Variants in ADAM17 observed in about 807,000 individuals in gnomAD.
ADAM17 encodes disintegrin and metalloproteinase domain-containing protein 17.
A neutral mutation model predicts 96.7 loss-of-function variants in ADAM17; 39 were observed. The ratio of observed to expected loss-of-function variants is 0.40; its 90% CI spans 0.31 to 0.53. The LOEUF (loss-of-function observed/expected upper bound fraction) is 0.53. Among genes scored for constraint, ADAM17 ranks in the 20% least tolerant of loss-of-function variants. The probability of loss-of-function intolerance (pLI) is 0.44; values close to 1 mark genes in which losing one functional copy is unlikely to be tolerated. For missense variants in ADAM17, 777 were observed against 1,013.2 expected, an observed-to-expected ratio of 0.77 and a Z score of 3.17; for synonymous variants, 344 against 359.2, an observed-to-expected ratio of 0.96 and a Z score of 0.48.
At chr2:9,514,604 T>C (rs1317808559) in intron 10 of ADAM17, among the ~76,000 whole-genome samples, 86 of 141,800 alleles carry the variant, frequency 6.1e-4, no homozygotes, top group African/African-American at 2.1e-3. Flanking sequence ...CCAGGCACGG[T>C]GGCTCACGCC....
At chr2:9,522,231 GT>G in intron 7 of ADAM17, 1 of 390,468 alleles carries the variant, frequency 2.6e-6, no homozygotes, top group Non-Finnish European at 4.5e-6. Flanking sequence ...AAAAAGCAAG[GT>G]GTAAAAGTGT....
At chr2:9,516,317 G>A (rs1354729277) in intron 10 of ADAM17, among the ~76,000 whole-genome samples, 1 of 152,052 alleles carries the variant, frequency 6.6e-6, no homozygotes, top group Admixed American at 6.6e-5. Flanking sequence ...TCAAACTCCT[G>A]GGCTCAAGTG....
intron 2 of ADAM17, among the ~76,000 whole-genome samples, chr2:9,542,511 T>C (rs1665247248): frequency 6.6e-6 from 1 of 152,198 alleles, no homozygotes; most frequent in African/African-American, 2.4e-5. Flanking sequence ...TCTTTATCTC[T>C]TCATATATAA....
chr2:9,495,065 T>C (rs1662467188), intron 14 of ADAM17, among the ~76,000 whole-genome samples: 1 of 152,190 alleles, frequency 6.6e-6, no homozygotes, highest in Admixed American at 6.5e-5. Context: ...CTCACAATGC[T>C]CTTCTAAATG....
At chr2:9,542,910 G>A (rs903878966) in intron 2 of ADAM17, among the ~76,000 whole-genome samples, 1 of 152,074 alleles carries the variant, frequency 6.6e-6, no homozygotes, top group African/African-American at 2.4e-5. Context: ...CCCAGGCTGA[G>A]CTTGGGCAAA....
At chr2:9,546,618 C>T (rs1665411802) in intron 1 of ADAM17, among the ~76,000 whole-genome samples, 1 of 152,064 alleles carries the variant, frequency 6.6e-6, no homozygotes, top group African/African-American at 2.4e-5. Flanking sequence ...TCTCAATAAA[C>T]TTAAGTATAA....
intron 2 of ADAM17, among the ~76,000 whole-genome samples, 167 bp from the exon 3 acceptor site, chr2:9,536,995 G>A (rs543525180): frequency 1.1e-4 from 16 of 152,114 alleles, no homozygotes; most frequent in Non-Finnish European, 1.5e-4. Context: ...CTCCTGTAAC[G>A]ACAAATGAAC....
chr2:9,492,915 T>C lies in ADAM17; in HGVS notation c.2065A>G (p.Ile689Val). The C allele has an allele frequency of 6.2e-7, 1 of 1,612,630 alleles. No individual in the cohort carries two copies. Among genetic ancestry groups the C allele is most frequent in the Admixed American group, 1.7e-5 (1 of 59,868 alleles). The change falls in exon 17 of 19, where the codon ATT becomes GTT. Residue 689 changes from isoleucine to valine, a missense_variant. This residue lies in a region of ADAM17 where 197 missense variants were observed against 219.4 expected (regional missense o/e 0.90). Coordinates refer to ENST00000310823, the MANE Select transcript of ADAM17 (RefSeq NM_003183.6). Reference sequence around the variant, plus strand: ...TGACTTACCACACAATGGACAAGAATGCTGAAAGGAATCCAAAATATCAAG... The same window carrying C: ...TGACTTACCACACAATGGACAAGAACGCTGAAAGGAATCCAAAATATCAAG... Reference protein sequence around the residue: ...FSLIFWIPFSILVHCVDKKLD... With the variant: ...FSLIFWIPFSVLVHCVDKKLD...
chr2:9,511,764 A>G (rs58581176), intron 10 of ADAM17, among the ~76,000 whole-genome samples: 24,062 of 152,150 alleles, frequency 0.16, 2,113 homozygotes, highest in Middle Eastern at 0.28. Context: ...TGAGGTCAGG[A>G]GTTCCAGACC....
intron 4 of ADAM17, among the ~76,000 whole-genome samples, chr2:9,534,586 C>T (rs569389637): frequency 5.3e-5 from 8 of 151,866 alleles, no homozygotes; most frequent in African/African-American, 1.2e-4. Flanking sequence ...TATATTAACA[C>T]GAAAAGGTTC....
intron 1 of ADAM17, among the ~76,000 whole-genome samples, chr2:9,550,519 C>A (rs539729794): frequency 6.8e-6 from 1 of 146,846 alleles, no homozygotes; most frequent in Non-Finnish European, 1.5e-5. Flanking sequence ...AACCTTGGCA[C>A]ACTGCAACCT....
intron 1 of ADAM17, among the ~76,000 whole-genome samples, chr2:9,552,804 T>C (rs1024617001): frequency 6.6e-6 from 1 of 152,160 alleles, no homozygotes; most frequent in Non-Finnish European, 1.5e-5. Context: ...TTCATAACAG[T>C]TCAATTGAAA....
chr2:9,543,509 T>C (rs1007198295), intron 1 of ADAM17, among the ~76,000 whole-genome samples: 4 of 152,180 alleles, frequency 2.6e-5, no homozygotes, highest in Non-Finnish European at 4.4e-5. Flanking sequence ...AAAAACTGTC[T>C]AAAAATATTT....
chr2:9,508,845 G>A (rs1161690321), intron 11 of ADAM17, among the ~76,000 whole-genome samples: 1 of 152,136 alleles, frequency 6.6e-6, no homozygotes, highest in East Asian at 1.9e-4. Flanking sequence ...CAGGTTGGAA[G>A]AGTAGACAAA....
Position 9,489,393 on chromosome 2 carries a change from T to C in ADAM17, c.*784A>G, listed in dbSNP as rs1411332940. The C allele has an allele frequency of 6.6e-6, 1 of 151,054 alleles. No individual in the cohort carries two copies. The highest frequency in any genetic ancestry group is 1.9e-4 in the East Asian group (1 of 5,178). 9.4% of individuals were successfully genotyped at this position (151,054 alleles called of 1,614,324 possible). A position where few individuals can be genotyped will look rare whatever the true frequency, so the allele number is the denominator to read the frequency against. On this transcript the variant is annotated 3_prime_UTR_variant, in exon 19 of 19. Coordinates refer to ENST00000310823, the MANE Select transcript of ADAM17 (RefSeq NM_003183.6). ...CCACCACTCCCAGCCAATAGTGAATTTTCTAAGAGCATGTATCCCTATCAG... is the reference window on the plus strand; with the variant it reads ...CCACCACTCCCAGCCAATAGTGAATCTTCTAAGAGCATGTATCCCTATCAG...
At chr2:9,506,479 G>GA (rs1663403806) in intron 11 of ADAM17, among the ~76,000 whole-genome samples, 1 of 144,922 alleles carries the variant, frequency 6.9e-6, no homozygotes, top group Non-Finnish European at 1.5e-5. Flanking sequence ...TGATTCTTCT[G>GA]CCTCAGCCTC....
chr2:9,550,442 T>G (rs1280875047), intron 1 of ADAM17, among the ~76,000 whole-genome samples: 1 of 87,508 alleles, frequency 1.1e-5, no homozygotes, highest in East Asian at 2.4e-4. Flanking sequence ...ACTCATTCTT[T>G]TTTTTTTTTT....
Position 9,536,794 on chromosome 2 carries a change from G to A in ADAM17, c.265C>T (p.Arg89Cys), listed in dbSNP as rs1339651941. The change falls in exon 3 of 19, where the codon CGT becomes TGT. Residue 89 changes from arginine to cysteine, a missense_variant. Physicochemically the swap from Arg to Cys is radical, Grantham distance 180. Around this residue, in one of 3 missense-constraint regions of ADAM17, gnomAD observed 134 missense variants for 129.1 expected, o/e 1.04. Transcript: ENST00000310823. Reference protein sequence around the residue: ...FKLYLTSSTERFSQNFKVVVV... With the variant: ...FKLYLTSSTECFSQNFKVVVV... ...ACGACCTTGAAATTTTGTGAAAAACGTTCAGTACTTGATGTCAGGTATAAT... is the reference window on the plus strand; with the variant it reads ...ACGACCTTGAAATTTTGTGAAAAACATTCAGTACTTGATGTCAGGTATAAT... The A allele has an allele frequency of 3.1e-6, 5 of 1,613,902 alleles. No individual in the cohort carries two copies. Among genetic ancestry groups the A allele is most frequent in the South Asian group, 2.2e-5 (2 of 91,072 alleles).
In ADAM17 at chr2:9,489,414, A is replaced by G. The variant is rs1002447707; in HGVS notation, c.*763T>C. On this transcript the variant is annotated 3_prime_UTR_variant, in exon 19 of 19. Coordinates refer to ENST00000310823, the MANE Select transcript of ADAM17 (RefSeq NM_003183.6). ...GAATTTTCTAAGAGCATGTATCCCT[A>G]TCAGTAACAGGGATACATGAAGATA... is the stretch of plus-strand genomic sequence containing the variant. The G allele has an allele frequency of 2.0e-5, 3 of 146,942 alleles. No individual in the cohort carries two copies. In the South Asian group the frequency reaches 6.5e-4, roughly 32 times the overall value. 9.1% of individuals were successfully genotyped at this position (146,942 alleles called of 1,614,324 possible). A position where few individuals can be genotyped will look rare whatever the true frequency, so the allele number is the denominator to read the frequency against.
Sources: gnomAD v4.1 joint callset for allele counts (sites outside exome capture counted in the v4.1 genomes callset) on GRCh38, gnomAD v4.1.1 for gene constraint, gnomAD v4.1.1 regional missense constraint, MANE v1.5 for transcripts, NCBI Gene and HGNC (gene_info 2026-07-23, HGNC 2026-07-21) for gene names.